Variants in CSMD1 observed in about 807,000 individuals in gnomAD.
CSMD1 encodes CUB and sushi domain-containing protein 1.
A neutral mutation model predicts 417.5 loss-of-function variants in CSMD1; 213 were observed. The ratio of observed to expected loss-of-function variants is 0.51; its 90% CI spans 0.46 to 0.57. The LOEUF is 0.57. CSMD1 is among the 20% of genes least tolerant of loss of function. The pLI is 0.00. For synonymous variants in CSMD1, 2,862 were observed against 1,736.8 expected (o/e 1.65, Z -16.11); for missense variants, 6,923 against 4,529.7 (o/e 1.53, Z -15.17).
chr8:3,196,351 G>C (rs910498908), intron 33 of CSMD1, among the ~76,000 whole-genome samples: 2 of 152,098 alleles, frequency 1.3e-5, no homozygotes, highest in African/African-American at 4.8e-5. Context: ...ATAATAGCAA[G>C]TAGAAGCAGC....
chr8:3,063,845 A>G (rs1812749581), intron 49 of CSMD1, among the ~76,000 whole-genome samples: 1 of 152,312 alleles, frequency 6.6e-6, no homozygotes, highest in Middle Eastern at 3.4e-3. Context: ...AACTTGTTTA[A>G]TATGTGCAGA....
At chr8:3,947,292 G>T (rs1023110821) in intron 5 of CSMD1, among the ~76,000 whole-genome samples, 8 of 152,046 alleles carry the variant, frequency 5.3e-5, no homozygotes, top group African/African-American at 1.9e-4. Flanking sequence ...GATTATGTAT[G>T]CAGCTTTTAA....
intron 14 of CSMD1, among the ~76,000 whole-genome samples, chr8:3,407,128 TG>T (rs1172081479): frequency 2.0e-5 from 3 of 151,602 alleles, no homozygotes; most frequent in African/African-American, 7.3e-5. Context: ...GAAGGATGGA[TG>T]GATGAATGCA....
chr8:3,548,380 T>G (rs193159123), intron 10 of CSMD1, among the ~76,000 whole-genome samples: 2 of 152,218 alleles, frequency 1.3e-5, no homozygotes, highest in African/African-American at 4.8e-5. Context: ...TCGTGAGATT[T>G]TGGTGCACTT....
chr8:4,982,774 A>G (rs1487585700), intron 1 of CSMD1, among the ~76,000 whole-genome samples: 2 of 152,194 alleles, frequency 1.3e-5, no homozygotes, highest in Non-Finnish European at 2.9e-5. Context: ...CGGCTTGGCT[A>G]TACTTTTTAT....
chr8:3,194,151 C>T (rs1016730214), intron 33 of CSMD1, among the ~76,000 whole-genome samples: 1 of 152,124 alleles, frequency 6.6e-6, no homozygotes, highest in Non-Finnish European at 1.5e-5. Flanking sequence ...ATTTATTCTT[C>T]TTTGCAAAGA....
intron 5 of CSMD1, among the ~76,000 whole-genome samples, chr8:3,792,596 T>A (rs1799812030): frequency 6.6e-6 from 1 of 152,152 alleles, no homozygotes; most frequent in Non-Finnish European, 1.5e-5. Context: ...CATACCTTCC[T>A]CTTCCTTTCA....
At chr8:4,913,181 G>C (rs554483481) in intron 1 of CSMD1, among the ~76,000 whole-genome samples, 1 of 152,172 alleles carries the variant, frequency 6.6e-6, no homozygotes, top group Non-Finnish European at 1.5e-5. Context: ...GTCTTGCAAA[G>C]ATTAGGTTGG....
intron 3 of CSMD1, among the ~76,000 whole-genome samples, chr8:4,204,270 A>C (rs1027532451): frequency 1.7e-4 from 26 of 152,200 alleles, no homozygotes; most frequent in East Asian, 5.8e-4. Context: ...CTAGGAAAAA[A>C]AAAAAACCTC....
chr8:3,259,557 C>G (rs1800903742), intron 26 of CSMD1, among the ~76,000 whole-genome samples: 1 of 152,320 alleles, frequency 6.6e-6, no homozygotes, highest in South Asian at 2.1e-4. Flanking sequence ...AATGACATTA[C>G]AACTCCATTA....
At chr8:4,216,768 C>T (rs1800699605) in intron 3 of CSMD1, among the ~76,000 whole-genome samples, 1 of 152,118 alleles carries the variant, frequency 6.6e-6, no homozygotes, top group African/African-American at 2.4e-5. Flanking sequence ...ATTCTCTTTA[C>T]AGAAAAGAGA....
At chr8:4,949,831 G>GAT (rs922428360) in intron 1 of CSMD1, among the ~76,000 whole-genome samples, 4 of 152,014 alleles carry the variant, frequency 2.6e-5, no homozygotes, top group Admixed American at 1.3e-4. Flanking sequence ...TGAAGGACAG[G>GAT]ATATATATAT....
chr8:3,641,200 T>C (rs184247717), intron 7 of CSMD1, among the ~76,000 whole-genome samples: 26 of 152,168 alleles, frequency 1.7e-4, no homozygotes, highest in African/African-American at 5.5e-4. Context: ...CTGGGGTACA[T>C]TGCCTTTTCC....
At position 4,830,188 on chromosome 8, in the gene CSMD1, G is replaced by T. The variant is rs182817159; in HGVS notation, c.85+164144C>A. Among the ~76,000 whole-genome samples, 5 of 152,282 alleles carry T rather than the reference G, an allele frequency of 3.3e-5. No homozygotes were observed. The East Asian group carries it at 9.6e-4, about 29-fold the overall frequency. On this transcript the variant is annotated intron_variant, in intron 1 of 69. Transcript: ENST00000635120. ...AGAAGAGTCTTGTTTACAGCAATGG[G>T]ATTGTGAAACAGACAAAGTGCTTCT... is the stretch of plus-strand genomic sequence containing the variant.
At chr8:3,344,841 T>C (rs1306568221) in intron 22 of CSMD1, among the ~76,000 whole-genome samples, 1 of 152,226 alleles carries the variant, frequency 6.6e-6, no homozygotes, top group Non-Finnish European at 1.5e-5. Context: ...GTTATTTCAT[T>C]ACAATTAAAT....
At chr8:3,660,388 C>A (rs1046120496) in intron 7 of CSMD1, among the ~76,000 whole-genome samples, 1 of 151,836 alleles carries the variant, frequency 6.6e-6, no homozygotes, top group East Asian at 1.9e-4. Context: ...AAAAAGTAAT[C>A]CACGTATGTT....
intron 2 of CSMD1, among the ~76,000 whole-genome samples, chr8:4,461,241 TAA>T (rs1169395053): frequency 6.6e-6 from 1 of 152,000 alleles, no homozygotes; most frequent in Non-Finnish European, 1.5e-5. Flanking sequence ...TTCAACCTGA[TAA>T]AAGTCACCTG....
chr8:3,876,530 T>A (rs954244674), intron 5 of CSMD1, among the ~76,000 whole-genome samples: 1 of 152,198 alleles, frequency 6.6e-6, no homozygotes, highest in East Asian at 1.9e-4. Context: ...TAGGAGAAAT[T>A]TATTCATATT....
intron 6 of CSMD1, among the ~76,000 whole-genome samples, chr8:3,712,632 T>C (rs1488697003): frequency 6.6e-6 from 1 of 152,238 alleles, no homozygotes; most frequent in Non-Finnish European, 1.5e-5. Flanking sequence ...ATCTCAGACC[T>C]GCTAAGTCAC....
Sources: allele counts gnomAD v4.1 joint callset (sites outside exome capture counted in the v4.1 genomes callset), GRCh38; gene constraint gnomAD v4.1.1; transcripts MANE v1.5; gene names NCBI Gene and HGNC (gene_info 2026-07-23, HGNC 2026-07-21).